YWHAZ: variants seen among roughly 807,000 people sequenced by gnomAD.
YWHAZ encodes the protein 14-3-3 protein zeta/delta.
For synonymous variants in YWHAZ, 87 were observed against 103.6 expected, an observed-to-expected ratio of 0.84 and a Z score of 0.97; for missense variants, 79 against 284.8, an observed-to-expected ratio of 0.28 and a Z score of 5.20.
chr8:100,929,112 A>G (rs539593156), intron 2 of YWHAZ, among the ~76,000 whole-genome samples: 3 of 152,238 alleles, frequency 2.0e-5, no homozygotes, highest in South Asian at 4.1e-4. Flanking sequence ...AGTTGTAAAT[A>G]TTTTGGGGGT....
chr8:100,919,167 C>G lies in YWHAZ; in HGVS notation c.*1526G>C, dbSNP rs540828852. The G allele has an allele frequency of 2.0e-4, 31 of 152,302 alleles. No individual in the cohort carries two copies. Among genetic ancestry groups the G allele is most frequent in the Non-Finnish European group, 3.7e-4 (25 of 68,032 alleles). The allele number at this position is 152,302 out of a possible 1,614,324, so 9.4% of individuals were successfully genotyped here. A position where few individuals can be genotyped will look rare whatever the true frequency, so the allele number is the denominator to read the frequency against. On this transcript the variant is annotated 3_prime_UTR_variant, in exon 6 of 6. Coordinates refer to ENST00000395958, the MANE Select transcript of YWHAZ (RefSeq NM_145690.3). ...ATGCGGCCTTTTTCCAAGTACATGG[C>G]CACCAAGTAAGAATGGTTGGTGACA...
chr8:100,938,071 G>A lies in YWHAZ; in HGVS notation c.294+10525C>T, dbSNP rs142105480. Among the ~76,000 whole-genome samples, 119 of 152,152 alleles carry A rather than the reference G, an allele frequency of 7.8e-4. 1 individual carries two copies. Among genetic ancestry groups the A allele is most frequent in the African/African-American group, 2.6e-3 (109 of 41,512 alleles). On this transcript the variant is annotated intron_variant, in intron 2 of 5. Transcript: ENST00000395958. ...CTTGAACCCGGGAGGCAGAGGTTGC[G>A]GTGAGCCAAGATCATGCCATTGTAC...
chr8:100,938,218 C>T lies in YWHAZ; in HGVS notation c.294+10378G>A, dbSNP rs183754760. Among the ~76,000 whole-genome samples, 506 of 152,262 alleles carry T rather than the reference C, an allele frequency of 3.3e-3. 1 individual carries two copies. The highest frequency in any genetic ancestry group is 0.012 in the African/African-American group (484 of 41,556). ...AACTCCTCATCCCCCCCTACAAACC[C>T]AGTATCTTGATAGCAGATTAAATGT... On this transcript the variant is annotated intron_variant, in intron 2 of 5. Transcript: ENST00000395958.
intron 2 of YWHAZ, among the ~76,000 whole-genome samples, chr8:100,934,390 C>T (rs1456147780): frequency 3.3e-5 from 5 of 149,850 alleles, no homozygotes; most frequent in African/African-American, 1.2e-4. Context: ...TAATAGAATA[C>T]TATACAGACA....
chr8:100,940,835 A>G (rs1399334077), intron 2 of YWHAZ, among the ~76,000 whole-genome samples: 2 of 152,218 alleles, frequency 1.3e-5, no homozygotes, highest in Non-Finnish European at 2.9e-5. Flanking sequence ...ATTCAAAAAG[A>G]CTGCATGGCT....
Position 100,924,502 on chromosome 8 carries a change from C to A in YWHAZ, c.419-204G>T, listed in dbSNP as rs1172721831. On this transcript the variant is annotated intron_variant, in intron 3 of 5. Transcript: ENST00000395958. This position sits in a 1 kb window ranked among gnomAD's most constrained non-coding sequence, Gnocchi z 5.7. Reference sequence around the variant, plus strand: ...GCCATTGATCAATGTCAAGATAAAACAACTTTATAATCTCATTATTGTTAT... The same window carrying A: ...GCCATTGATCAATGTCAAGATAAAAAAACTTTATAATCTCATTATTGTTAT... 6.6e-6 allele frequency among the ~76,000 whole-genome samples: 1 copy of A among 151,304 alleles called. No individual in the cohort carries two copies.
intron 2 of YWHAZ, among the ~76,000 whole-genome samples, chr8:100,946,286 C>T (rs1388789612): frequency 3.3e-5 from 5 of 152,204 alleles, no homozygotes. Context: ...CTCCTGTAAT[C>T]CCAGCACTTT....
rs945429021 is a variant in YWHAZ at position 100,922,305 on chromosome 8, A to G, written c.679-1553T>C. 6.6e-6 allele frequency: 1 copy of G among 152,168 alleles called. No homozygotes were observed. Among genetic ancestry groups the G allele is most frequent in the Non-Finnish European group, 1.5e-5 (1 of 68,024 alleles). 9.4% of individuals were successfully genotyped at this position (152,168 alleles called of 1,614,324 possible). On this transcript the variant is annotated intron_variant, in intron 5 of 5. Coordinates refer to ENST00000395958, the MANE Select transcript of YWHAZ (RefSeq NM_145690.3). This position sits in a 1 kb window ranked among gnomAD's most constrained non-coding sequence, Gnocchi z 4.1. ...AGATAAATGTTCCAATCAACCTATA[A>G]TGGTGACAGCTGACACTAATAAGGC...
chr8:100,940,980 T>C (rs529689146), intron 2 of YWHAZ, among the ~76,000 whole-genome samples: 1 of 152,340 alleles, frequency 6.6e-6, no homozygotes, highest in African/African-American at 2.4e-5. Flanking sequence ...CTGATGCTAG[T>C]CCTCCATTAG....
intron 2 of YWHAZ, among the ~76,000 whole-genome samples, chr8:100,928,279 CA>C (rs34319976): frequency 1.4e-5 from 2 of 146,224 alleles, no homozygotes; most frequent in Non-Finnish European, 3.0e-5. Context: ...GACTCCGTCT[CA>C]AAAAAAAAGA....
chr8:100,949,585 G>A (rs1272528069), intron 1 of YWHAZ, among the ~76,000 whole-genome samples: 1 of 152,104 alleles, frequency 6.6e-6, no homozygotes, highest in African/African-American at 2.4e-5. Flanking sequence ...TCTTTATCTT[G>A]TTATATGTCC....
chr8:100,951,835 T>G, intron 1 of YWHAZ, 94 bp downstream of exon 1: 1 of 983,306 alleles, frequency 1.0e-6, no homozygotes, highest in Non-Finnish European at 1.2e-6. Flanking sequence ...GCGGGGCGAG[T>G]GGGGATGAGG....
chr8:100,936,389 T>C (rs1293345874), intron 2 of YWHAZ, among the ~76,000 whole-genome samples: 1 of 152,186 alleles, frequency 6.6e-6, no homozygotes, highest in Non-Finnish European at 1.5e-5. Context: ...AACAGCATAA[T>C]GCACTATCTA....
intron 2 of YWHAZ, among the ~76,000 whole-genome samples, chr8:100,925,838 G>C (rs1234751078): frequency 6.6e-6 from 1 of 152,052 alleles, no homozygotes; most frequent in African/African-American, 2.4e-5. Context: ...CATTGTGTTG[G>C]GGATGGGAAG....
chr8:100,949,673 C>G (rs948337847), intron 1 of YWHAZ, among the ~76,000 whole-genome samples: 1 of 152,274 alleles, frequency 6.6e-6, no homozygotes, highest in Non-Finnish European at 1.5e-5. Flanking sequence ...ATTGGAAGTA[C>G]TTAATTTATA....
upstream of YWHAZ, chr8:100,952,298 C>A (rs1213690970): frequency 3.4e-6 from 1 of 291,078 alleles, no homozygotes. Context: ...CTACGCTTGT[C>A]CCGAGTGCAC....
At chr8:100,943,941 C>T (rs1435814728) in intron 2 of YWHAZ, among the ~76,000 whole-genome samples, 3 of 143,686 alleles carry the variant, frequency 2.1e-5, no homozygotes, top group East Asian at 4.2e-4. Flanking sequence ...GAGCCGAGAT[C>T]GTTCCATTGC....
In YWHAZ at chr8:100,918,221, T is replaced by TAAC. The variant is rs1355866793; in HGVS notation, c.*2471_*2472insGTT. 1 of 148,898 alleles carries TAAC rather than the reference T, an allele frequency of 6.7e-6. No individual in the cohort carries two copies. Among genetic ancestry groups the TAAC allele is most frequent in the Non-Finnish European group, 1.5e-5 (1 of 67,182 alleles). The allele number at this position is 148,898 out of a possible 1,614,324, so 9.2% of individuals were successfully genotyped here. A position where few individuals can be genotyped will look rare whatever the true frequency, so the allele number is the denominator to read the frequency against. ...AGCCAGGTGTGGTGGCGGGCACCTG[T>TAAC]AATCCCAGCTACTTGGGAGGCTGAG... On this transcript the variant is annotated 3_prime_UTR_variant, in exon 6 of 6. Coordinates refer to ENST00000395958, the MANE Select transcript of YWHAZ (RefSeq NM_145690.3).
intron 1 of YWHAZ, chr8:100,951,070 A>C: frequency 4.4e-5 from 16 of 367,728 alleles, no homozygotes; most frequent in Non-Finnish European, 5.4e-5. Context: ...CACAAGGAGC[A>C]AAAAAAGTCA....
Sources: allele counts gnomAD v4.1 joint callset (sites outside exome capture counted in the v4.1 genomes callset), GRCh38; gene constraint gnomAD v4.1.1; non-coding constraint Gnocchi (gnomAD v3.1); transcripts MANE v1.5; gene names NCBI Gene and HGNC (gene_info 2026-07-23, HGNC 2026-07-21).